CTNNA2: variants seen among roughly 807,000 people sequenced by gnomAD.
CTNNA2 encodes the protein catenin alpha 2, also known as catenin alpha-2.
Under a neutral mutation model 101.0 loss-of-function variants are expected in CTNNA2, and 42 were observed. The observed-to-expected ratio is 0.42, with a 90% CI of 0.32 to 0.54. The LOEUF (loss-of-function observed/expected upper bound fraction) is 0.54. CTNNA2 is among the 20% of genes least tolerant of loss of function. The pLI is 0.14. For synonymous variants in CTNNA2, 450 were observed against 456.4 expected, an observed-to-expected ratio of 0.99 and a Z score of 0.18; for missense variants, 871 against 1,223.1, an observed-to-expected ratio of 0.71 and a Z score of 4.29.
intron 9 of CTNNA2, among the ~76,000 whole-genome samples, chr2:80,452,432 C>T (rs1683596804): frequency 2.7e-5 from 4 of 150,898 alleles, no homozygotes; most frequent in Admixed American, 6.6e-5. Context: ...GGCTGTGTGC[C>T]CAATAGTTTT....
chr2:79,630,764 G>C (rs1046463581), intron 1 of CTNNA2, among the ~76,000 whole-genome samples: 1 of 152,160 alleles, frequency 6.6e-6, no homozygotes, highest in Non-Finnish European at 1.5e-5. Context: ...CGATGGTGAC[G>C]TAGGAGCCAT....
chr2:79,828,228 T>C (rs1291198241), intron 3 of CTNNA2, among the ~76,000 whole-genome samples: 1 of 152,232 alleles, frequency 6.6e-6, no homozygotes, highest in East Asian at 1.9e-4. Flanking sequence ...TTATTTTTGG[T>C]TTCTCATTTC....
chr2:80,601,337 C>T (rs1416315067), intron 15 of CTNNA2, among the ~76,000 whole-genome samples: 1 of 151,188 alleles, frequency 6.6e-6, no homozygotes, highest in Non-Finnish European at 1.5e-5. Flanking sequence ...GTTTAAATAG[C>T]ATTGAGATTA....
chr2:80,034,345 T>TG (rs1294597508), intron 7 of CTNNA2, among the ~76,000 whole-genome samples: 2 of 40,598 alleles, frequency 4.9e-5, no homozygotes, highest in East Asian at 0.019. Context: ...CTGAATTTCA[T>TG]TTTTTTTTCT....
At chr2:80,318,568 C>T (rs965991127) in intron 7 of CTNNA2, among the ~76,000 whole-genome samples, 10 of 152,170 alleles carry the variant, frequency 6.6e-5, no homozygotes, top group South Asian at 2.1e-4. Context: ...TTCATGGATT[C>T]GTGAATTCTA....
At chr2:80,213,093 T>A (rs1356719381) in intron 7 of CTNNA2, among the ~76,000 whole-genome samples, 2 of 152,242 alleles carry the variant, frequency 1.3e-5, no homozygotes, top group African/African-American at 4.8e-5. Flanking sequence ...GTCTATTTGA[T>A]TCTTCTCTCT....
chr2:79,220,151 C>CAT (rs1558577713), intron 2 of CTNNA2, among the ~76,000 whole-genome samples: 20 of 151,378 alleles, frequency 1.3e-4, no homozygotes, highest in East Asian at 9.8e-4. Flanking sequence ...CAAAATTGGC[C>CAT]GTATATATAT....
At chr2:79,692,646 T>C (rs1684381740) in intron 2 of CTNNA2, among the ~76,000 whole-genome samples, 1 of 151,976 alleles carries the variant, frequency 6.6e-6, no homozygotes, top group Admixed American at 6.6e-5. Flanking sequence ...ATTGATAGAC[T>C]GGATAAAGAA....
At chr2:79,893,723 A>G (rs1013672425) in intron 6 of CTNNA2, among the ~76,000 whole-genome samples, 6 of 152,164 alleles carry the variant, frequency 3.9e-5, no homozygotes, top group Non-Finnish European at 7.4e-5. Flanking sequence ...TTGATTTTCT[A>G]TTACTTTTGC....
At chr2:80,387,229 C>T (rs1325750104) in intron 7 of CTNNA2, among the ~76,000 whole-genome samples, 1 of 151,878 alleles carries the variant, frequency 6.6e-6, no homozygotes, top group Non-Finnish European at 1.5e-5. Context: ...GCGGAGCTTG[C>T]AGTGAGCCGA....
At chr2:79,223,795 T>G (rs938163167) in intron 2 of CTNNA2, among the ~76,000 whole-genome samples, 1 of 152,180 alleles carries the variant, frequency 6.6e-6, no homozygotes, top group Non-Finnish European at 1.5e-5. Context: ...AATATATCTA[T>G]CTCCTTATTT....
At chr2:79,430,296 A>C (rs945542260) in intron 4 of CTNNA2, among the ~76,000 whole-genome samples, 5 of 152,188 alleles carry the variant, frequency 3.3e-5, no homozygotes, top group African/African-American at 1.2e-4. Context: ...TGAAATTGAT[A>C]TATATCACAC....
At chr2:79,427,971 T>C (rs1573161263) in intron 4 of CTNNA2, among the ~76,000 whole-genome samples, 1 of 152,256 alleles carries the variant, frequency 6.6e-6, no homozygotes, top group African/African-American at 2.4e-5. Flanking sequence ...TCTGACATCA[T>C]TTGTCTTAAA....
At chr2:79,305,471 T>A (rs959381872) in intron 2 of CTNNA2, among the ~76,000 whole-genome samples, 5 of 151,280 alleles carry the variant, frequency 3.3e-5, no homozygotes, top group African/African-American at 1.2e-4. Context: ...CTACCTTTAT[T>A]AATCTGTGCA....
At chr2:80,000,447 A>C (rs1200638059) in intron 7 of CTNNA2, among the ~76,000 whole-genome samples, 1 of 152,190 alleles carries the variant, frequency 6.6e-6, no homozygotes, top group African/African-American at 2.4e-5. Context: ...ATCACTGCAG[A>C]AATCTACAGT....
intron 2 of CTNNA2, among the ~76,000 whole-genome samples, chr2:79,266,363 C>G (rs139564670): frequency 0.013 from 1,989 of 152,294 alleles, 18 homozygotes; most frequent in Admixed American, 0.019. Context: ...CTACACTGGT[C>G]CCAGTGGACT....
intron 1 of CTNNA2, among the ~76,000 whole-genome samples, chr2:79,573,486 A>G (rs76390988): frequency 0.047 from 7,112 of 152,298 alleles, 451 homozygotes; most frequent in African/African-American, 0.14. Flanking sequence ...AACAGAAGCC[A>G]TAGTGAAACA....
chr2:79,772,717 C>T (rs950531758), intron 3 of CTNNA2, among the ~76,000 whole-genome samples: 28 of 152,004 alleles, frequency 1.8e-4, no homozygotes, highest in African/African-American at 6.8e-4. Flanking sequence ...GACCACAGGC[C>T]ACCTTACCTG....
At chr2:79,884,763 T>A (rs1368710006) in intron 6 of CTNNA2, among the ~76,000 whole-genome samples, 1 of 151,852 alleles carries the variant, frequency 6.6e-6, no homozygotes, top group Non-Finnish European at 1.5e-5. Flanking sequence ...TTTTTTTTTT[T>A]TTCTGTTCTT....
Sources: gnomAD v4.1 joint callset for allele counts (sites outside exome capture counted in the v4.1 genomes callset) on GRCh38, gnomAD v4.1.1 for gene constraint, MANE v1.5 for transcripts, NCBI Gene and HGNC (gene_info 2026-07-23, HGNC 2026-07-21) for gene names.